CADPS2: variants seen among roughly 807,000 people sequenced by gnomAD.
CADPS2 encodes calcium dependent secretion activator 2.
Under a neutral mutation model 172.5 loss-of-function variants are expected in CADPS2, and 93 were observed. The observed-to-expected ratio is 0.54, with a 90% CI of 0.46 to 0.64. The LOEUF (loss-of-function observed/expected upper bound fraction) is 0.64, where lower values mean the gene tolerates loss of function less well. CADPS2 is among the 30% of genes least tolerant of loss of function. The pLI, the probability that CADPS2 is intolerant of heterozygous loss-of-function variation, is 0.00. For synonymous variants in CADPS2, 546 were observed against 555.2 expected (o/e 0.98, Z 0.23); for missense variants, 1,420 against 1,565.9 (o/e 0.91, Z 1.57).
At chr7:122,732,889 T>TA (rs903026112) in intron 2 of CADPS2, among the ~76,000 whole-genome samples, 2 of 145,816 alleles carry the variant, frequency 1.4e-5, no homozygotes, top group Non-Finnish European at 3.0e-5. Context: ...CTATGTATAA[T>TA]ATATATTATA....
intron 5 of CADPS2, among the ~76,000 whole-genome samples, chr7:122,620,749 A>G (rs536902765): frequency 4.6e-5 from 7 of 152,308 alleles, no homozygotes; most frequent in Admixed American, 2.0e-4. Context: ...CTTATTTGAT[A>G]TGATCCTAGA....
At chr7:122,747,184 A>G (rs1221930417) in intron 1 of CADPS2, among the ~76,000 whole-genome samples, 1 of 152,114 alleles carries the variant, frequency 6.6e-6, no homozygotes, top group Non-Finnish European at 1.5e-5. Context: ...AGAAGTTCTC[A>G]TTGCAATAGA....
intron 2 of CADPS2, among the ~76,000 whole-genome samples, chr7:122,707,638 T>C (rs1000753821): frequency 6.6e-6 from 1 of 151,932 alleles, no homozygotes; most frequent in Non-Finnish European, 1.5e-5. Flanking sequence ...CAACTATGTA[T>C]GTTTTTTTTG....
At chr7:122,322,721 T>C (rs2150691636) in intron 29 of CADPS2, among the ~76,000 whole-genome samples, 1 of 152,374 alleles carries the variant, frequency 6.6e-6, no homozygotes, top group South Asian at 2.1e-4. Context: ...TTTAATTTTT[T>C]GTGTAACCCT....
chr7:122,337,616 C>T (rs1290686861), intron 28 of CADPS2, among the ~76,000 whole-genome samples: 1 of 152,166 alleles, frequency 6.6e-6, no homozygotes, highest in African/African-American at 2.4e-5. Flanking sequence ...TTTTGGCATA[C>T]ACTATACATC....
intron 19 of CADPS2, 107 bp downstream of exon 19, chr7:122,413,961 A>G (rs1303543118): frequency 6.7e-6 from 6 of 895,030 alleles, no homozygotes; most frequent in Non-Finnish European, 1.0e-5. Context: ...TTTCAAAGAA[A>G]GGACTAATTG....
chr7:122,490,511 C>T (rs997002058), intron 10 of CADPS2, among the ~76,000 whole-genome samples: 11 of 152,056 alleles, frequency 7.2e-5, no homozygotes, highest in Admixed American at 5.2e-4. Flanking sequence ...CCTAGGGAAA[C>T]AGTCCATGAC....
At chr7:122,800,737 C>T (rs1797433107) in intron 1 of CADPS2, among the ~76,000 whole-genome samples, 1 of 152,046 alleles carries the variant, frequency 6.6e-6, no homozygotes, top group South Asian at 2.1e-4. Flanking sequence ...GTCTGTAATC[C>T]CAGCACTTTG....
chr7:122,830,579 A>C (rs1167355176), intron 1 of CADPS2, among the ~76,000 whole-genome samples: 1 of 152,260 alleles, frequency 6.6e-6, no homozygotes, highest in African/African-American at 2.4e-5. Flanking sequence ...AATATTTTTC[A>C]ACAATTTGCA....
intron 28 of CADPS2, among the ~76,000 whole-genome samples, chr7:122,335,235 T>C (rs573623029): frequency 4.6e-5 from 7 of 152,334 alleles, no homozygotes; most frequent in Non-Finnish European, 4.4e-5. Flanking sequence ...TTCTACATCA[T>C]TAAACTTATA....
chr7:122,645,483 T>A (rs1588096794), intron 3 of CADPS2, among the ~76,000 whole-genome samples: 4 of 102,176 alleles, frequency 3.9e-5, no homozygotes, highest in Non-Finnish European at 1.9e-5. Flanking sequence ...GTATATATAT[T>A]TAGCGTATAT....
chr7:122,480,777 C>T (rs1196517008), intron 12 of CADPS2, 75 bp downstream of exon 12: 1 of 1,007,240 alleles, frequency 9.9e-7, no homozygotes, highest in African/African-American at 1.6e-5. Flanking sequence ...TAAACAAGAT[C>T]ATGATATTCC....
At chr7:122,389,565 T>C (rs1017267551) in intron 22 of CADPS2, among the ~76,000 whole-genome samples, 10 of 152,104 alleles carry the variant, frequency 6.6e-5, no homozygotes, top group Admixed American at 2.0e-4. Flanking sequence ...AGAGTACATA[T>C]AATATTTTGG....
chr7:122,689,460 G>A (rs967137912), intron 2 of CADPS2, among the ~76,000 whole-genome samples: 1 of 152,216 alleles, frequency 6.6e-6, no homozygotes, highest in Admixed American at 6.5e-5. Context: ...GCTGTAACTT[G>A]CATTTCCTAC....
At chr7:122,593,384 G>T (rs1002444326) in intron 6 of CADPS2, among the ~76,000 whole-genome samples, 4 of 151,946 alleles carry the variant, frequency 2.6e-5, no homozygotes, top group African/African-American at 4.8e-5. Context: ...GAGTACAATG[G>T]TACAGAAATA....
At chr7:122,796,650 T>C (rs1796434008) in intron 1 of CADPS2, among the ~76,000 whole-genome samples, 1 of 152,166 alleles carries the variant, frequency 6.6e-6, no homozygotes, top group Admixed American at 6.6e-5. Context: ...CTGTTATTAC[T>C]GGCTACCCAT....
chr7:122,738,742 T>A (rs1019695323), intron 1 of CADPS2, among the ~76,000 whole-genome samples: 1 of 151,374 alleles, frequency 6.6e-6, no homozygotes, highest in Non-Finnish European at 1.5e-5. Flanking sequence ...TTTCAAAAAA[T>A]GGGTTTTATT....
intron 15 of CADPS2, among the ~76,000 whole-genome samples, chr7:122,443,611 G>T (rs1322978339): frequency 1.5e-5 from 2 of 136,188 alleles, no homozygotes; most frequent in Non-Finnish European, 1.5e-5. Flanking sequence ...TTACCAAAGT[G>T]ATATATACAC....
chr7:122,453,117 T>A (rs2053340732), intron 14 of CADPS2, among the ~76,000 whole-genome samples: 1 of 152,186 alleles, frequency 6.6e-6, no homozygotes, highest in South Asian at 2.1e-4. Flanking sequence ...CAATTTTTTA[T>A]TCCTAAATAG....
Sources: allele counts gnomAD v4.1 joint callset (sites outside exome capture counted in the v4.1 genomes callset), GRCh38; gene constraint gnomAD v4.1.1; transcripts MANE v1.5; gene names NCBI Gene and HGNC (gene_info 2026-07-23, HGNC 2026-07-21).